The following DDX19B variants were observed in gnomAD, a reference collection of about 807,000 sequenced individuals.
The protein encoded by DDX19B is DEAD-box helicase 19B.
A neutral mutation model predicts 58.1 loss-of-function variants in DDX19B; 27 were observed. The observed-to-expected ratio is 0.46, with a 90% CI of 0.34 to 0.64. The LOEUF (loss-of-function observed/expected upper bound fraction) is 0.64, where lower values mean the gene tolerates loss of function less well. Among genes scored for constraint, DDX19B ranks in the 30% least tolerant of loss-of-function variants. The pLI, the probability that DDX19B is intolerant of heterozygous loss-of-function variation, is 0.01. For missense variants in DDX19B, 399 were observed against 596.5 expected, an observed-to-expected ratio of 0.67 and a Z score of 3.45; for synonymous variants, 187 against 214.4, an observed-to-expected ratio of 0.87 and a Z score of 1.12.
At position 70,324,661 on chromosome 16, in the gene DDX19B, G is replaced by C. The variant is rs760932169; in HGVS notation, c.466G>C (p.Val156Leu). 10 of 1,613,554 alleles carry C rather than the reference G, an allele frequency of 6.2e-6. No homozygotes were observed. The highest frequency in any genetic ancestry group is 3.3e-5 in the Admixed American group (2 of 59,756). Residue 156 changes from valine (V) to leucine (L), a missense_variant, in exon 6 of 12, where the codon GTA becomes CTA. Physicochemically the swap from Val to Leu is conservative, Grantham distance 32. Coordinates refer to ENST00000288071, the MANE Select transcript of DDX19B (RefSeq NM_007242.7). ...CTTCGTGCTGGCCATGCTTAGCCAA[G>C]TAGAACCTGCAAACAAATACCCCCA... The part of the protein sequence containing the change: ...AAFVLAMLSQ[V>L]EPANKYPQCL...
intron 3 of DDX19B, 116 bp downstream of exon 3, chr16:70,315,071 G>A: frequency 8.9e-7 from 1 of 1,123,720 alleles, no homozygotes; most frequent in Non-Finnish European, 1.3e-6. Context: ...GCGATACAGT[G>A]CTAGCATAAA....
At chr16:70,300,828 C>T (rs1478240111) in intron 1 of DDX19B, among the ~76,000 whole-genome samples, 1 of 152,198 alleles carries the variant, frequency 6.6e-6, no homozygotes, top group African/African-American at 2.4e-5. Context: ...CTTTGCCTGG[C>T]CCTTTACTTT....
intron 5 of DDX19B, 63 bp from the exon 6 acceptor site, chr16:70,324,522 T>G: frequency 6.8e-7 from 1 of 1,476,260 alleles, no homozygotes; most frequent in Non-Finnish European, 9.3e-7. Flanking sequence ...ATACTCATTT[T>G]TTTAAACTTT....
rs566379802 is a variant in DDX19B at position 70,302,254 on chromosome 16, G to A, written c.57+2900G>A. Among the ~76,000 whole-genome samples the A allele has an allele frequency of 2.0e-5, 3 of 152,188 alleles. No homozygotes were observed. In the South Asian group the frequency reaches 6.2e-4, roughly 32 times the overall value. On this transcript the variant is annotated intron_variant, in intron 1 of 11. Transcript: ENST00000288071. ...AATTTTTTTAAAAGTCAGGTTTATGGAGGTATAATTTACACAGAGTAAAAT... is the reference window on the plus strand; with the variant it reads ...AATTTTTTTAAAAGTCAGGTTTATGAAGGTATAATTTACACAGAGTAAAAT...
intron 7 of DDX19B, 94 bp from the exon 8 acceptor site, chr16:70,329,198 G>A: frequency 6.7e-7 from 1 of 1,494,392 alleles, no homozygotes; most frequent in Non-Finnish European, 9.0e-7. Flanking sequence ...ACTCCAGCCT[G>A]GGCAACAGAG....
At position 70,316,077 on chromosome 16, in the gene DDX19B, C is replaced by T. The variant is rs1230204586; in HGVS notation, c.269C>T (p.Ser90Leu). 6 of 1,614,082 alleles carry T rather than the reference C, an allele frequency of 3.7e-6. No individual in the cohort carries two copies. Among genetic ancestry groups the T allele is most frequent in the Non-Finnish European group, 5.1e-6 (6 of 1,180,020 alleles). The change falls in exon 4 of 12, where the codon TCG becomes TTG. Residue 90 changes from serine to leucine, a missense_variant. Transcript: ENST00000288071. ...LQRDPNSPLYSVKSFEELRLK... is the reference protein window; with the variant it reads ...LQRDPNSPLYLVKSFEELRLK... The stretch of plus-strand genomic sequence containing the variant: ...CGGGATCCAAACTCCCCTCTGTACT[C>T]GGTGAAGTCTTTTGAAGAGCTTCGG...
At chr16:70,329,728 C>T (rs1963379826) in intron 8 of DDX19B, 103 bp from the exon 9 acceptor site, 3 of 1,496,858 alleles carry the variant, frequency 2.0e-6, no homozygotes, top group African/African-American at 1.4e-5. Context: ...CGCTCCTCTC[C>T]CATCAGCCTT....
chr16:70,293,508 C>G (rs972739980), upstream of DDX19B, among the ~76,000 whole-genome samples: 1 of 150,030 alleles, frequency 6.7e-6, no homozygotes, highest in African/African-American at 2.4e-5. Flanking sequence ...ACTCTTAACT[C>G]TCCCATGGCA....
Position 70,333,870 on chromosome 16 carries a change from C to G in DDX19B, c.*288C>G, listed in dbSNP as rs1191527403. The G allele has an allele frequency of 5.9e-6, 3 of 505,796 alleles. No homozygotes were observed. The East Asian group carries it at 1.1e-4, about 18-fold the overall frequency. The allele number at this position is 505,796 out of a possible 1,614,324, so 31.3% of individuals were successfully genotyped here. A position where few individuals can be genotyped will look rare whatever the true frequency, so the allele number is the denominator to read the frequency against. ...TGGCCAGTGTTTCCTTCATGCTAATCTAGATGCTGTGGCTGATTACTTGCC... is the reference window on the plus strand; with the variant it reads ...TGGCCAGTGTTTCCTTCATGCTAATGTAGATGCTGTGGCTGATTACTTGCC... On this transcript the variant is annotated 3_prime_UTR_variant, in exon 12 of 12. Coordinates refer to ENST00000288071, the MANE Select transcript of DDX19B (RefSeq NM_007242.7).
At chr16:70,317,774 C>CAAAAA in intron 5 of DDX19B, 186 bp downstream of exon 5, 1 of 291,754 alleles carries the variant, frequency 3.4e-6, no homozygotes, top group South Asian at 5.5e-5. Flanking sequence ...CCTGTCTCAA[C>CAAAAA]AAAAAAAAAA....
intron 1 of DDX19B, among the ~76,000 whole-genome samples, chr16:70,308,897 T>G (rs1238689936): frequency 6.6e-6 from 1 of 152,100 alleles, no homozygotes; most frequent in East Asian, 1.9e-4. Context: ...GGTGGTTTGC[T>G]GCACCTATCA....
At chr16:70,294,969 C>A (rs1961167689), upstream of DDX19B, 4 of 1,447,540 alleles carry the variant, frequency 2.8e-6, no homozygotes, top group African/African-American at 1.4e-5. Flanking sequence ...CGTTTAGGTG[C>A]CTTCCTCGCC....
At chr16:70,326,778 C>T (rs1283968222) in intron 7 of DDX19B, among the ~76,000 whole-genome samples, 1 of 152,038 alleles carries the variant, frequency 6.6e-6, no homozygotes, top group African/African-American at 2.4e-5. Context: ...TCAGGTTATC[C>T]ATCTGCCTCG....
chr16:70,293,562 G>GTAAACAATGA (rs1961111930), upstream of DDX19B, among the ~76,000 whole-genome samples: 1 of 147,500 alleles, frequency 6.8e-6, no homozygotes, highest in Non-Finnish European at 1.5e-5. Flanking sequence ...TACAATGCTG[G>GTAAACAATGA]CTTATTTGGT....
intron 1 of DDX19B, 26 bp from the exon 2 acceptor site, chr16:70,312,583 C>T: frequency 6.2e-7 from 1 of 1,608,264 alleles, no homozygotes; most frequent in Non-Finnish European, 8.5e-7. Flanking sequence ...CTGACACTTT[C>T]CCCCTCCCCC....
chr16:70,299,357 G>A lies in DDX19B; in HGVS notation c.57+3G>A. On this transcript the variant is annotated splice_donor_region_variant and intron_variant, in intron 1 of 11. Transcript: ENST00000288071. ...AGCAGGAAGCTGCGGCTGAGTCGGT[G>A]AGTTGGCTTCAGCCCTAAAAGGGTC... 6.2e-7 allele frequency: 1 copy of A among 1,607,108 alleles called. No individual in the cohort carries two copies. The highest frequency in any genetic ancestry group is 1.7e-5 in the Admixed American group (1 of 58,982).
intron 5 of DDX19B, among the ~76,000 whole-genome samples, chr16:70,322,878 T>C (rs571781939): frequency 2.8e-4 from 33 of 116,546 alleles, no homozygotes; most frequent in Non-Finnish European, 5.3e-4. Flanking sequence ...GTGACAACAG[T>C]GAAACTCCGT....
intron 9 of DDX19B, 32 bp downstream of exon 9, chr16:70,330,100 C>G (rs1324334651): frequency 2.9e-5 from 46 of 1,612,324 alleles, no homozygotes; most frequent in Non-Finnish European, 3.6e-5. Flanking sequence ...AGGCCTGGCC[C>G]TTCCCTCTCA....
upstream of DDX19B, among the ~76,000 whole-genome samples, chr16:70,296,620 TA>T (rs1302640403): frequency 6.6e-6 from 1 of 152,128 alleles, no homozygotes; most frequent in Non-Finnish European, 1.5e-5. Flanking sequence ...TGTGAAACAA[TA>T]TAATTTATCT....
Sources: gnomAD v4.1 joint callset for allele counts (sites outside exome capture counted in the v4.1 genomes callset) on GRCh38, gnomAD v4.1.1 for gene constraint, MANE v1.5 for transcripts, NCBI Gene and HGNC (gene_info 2026-07-23, HGNC 2026-07-21) for gene names.